Variants in OPCML observed in about 807,000 individuals in gnomAD.
OPCML encodes the protein opioid binding protein/cell adhesion molecule like.
OPCML carries 13 observed loss-of-function variants against 37.8 expected under a neutral mutation model. The observed-to-expected ratio is 0.34, with a 90% CI of 0.22 to 0.55. OPCML has a LOEUF of 0.55. Among genes scored for constraint, OPCML ranks in the 20% least tolerant of loss-of-function variants. OPCML has a pLI of 0.91. For missense variants in OPCML, 341 were observed against 435.6 expected (o/e 0.78, Z 1.93); for synonymous variants, 176 against 168.8 (o/e 1.04, Z -0.33).
intron 2 of OPCML, among the ~76,000 whole-genome samples, chr11:132,852,620 AAGAGAG>A (rs756901337): frequency 6.6e-6 from 1 of 152,110 alleles, no homozygotes. Flanking sequence ...AGAAAAAAAA[AAGAGAG>A]AGAGAAGAAA....
chr11:132,844,257 A>C (rs1469150820), intron 2 of OPCML, among the ~76,000 whole-genome samples: 1 of 152,218 alleles, frequency 6.6e-6, no homozygotes, highest in Non-Finnish European at 1.5e-5. Context: ...CGTGAGAAAG[A>C]CTAATACAGT....
chr11:132,778,783 A>G (rs989932709), intron 2 of OPCML, among the ~76,000 whole-genome samples: 1 of 152,140 alleles, frequency 6.6e-6, no homozygotes, highest in Non-Finnish European at 1.5e-5. Context: ...AGATATGTCC[A>G]AAGTCATAGG....
intron 2 of OPCML, among the ~76,000 whole-genome samples, chr11:132,696,359 T>C (rs1024961773): frequency 1.3e-5 from 2 of 152,276 alleles, no homozygotes; most frequent in South Asian, 2.1e-4. Context: ...CAAATATATA[T>C]GACAATCACA....
intron 1 of OPCML, among the ~76,000 whole-genome samples, chr11:133,169,489 T>A (rs1208071053): frequency 6.6e-6 from 1 of 152,242 alleles, no homozygotes. Context: ...TTTCTTTCTC[T>A]GGATACAAGT....
intron 1 of OPCML, among the ~76,000 whole-genome samples, chr11:133,168,379 A>T (rs988222943): frequency 2.6e-5 from 4 of 152,168 alleles, no homozygotes; most frequent in Admixed American, 6.5e-5. Flanking sequence ...GAAGGTGATT[A>T]TGCCAATATG....
chr11:133,243,156 C>A (rs760994443), intron 1 of OPCML, among the ~76,000 whole-genome samples: 1 of 152,098 alleles, frequency 6.6e-6, no homozygotes, highest in Non-Finnish European at 1.5e-5. Flanking sequence ...TCAGGGCAAA[C>A]AAGATATTCT....
chr11:132,876,722 G>GC (rs1461701286), intron 2 of OPCML, among the ~76,000 whole-genome samples: 1 of 152,158 alleles, frequency 6.6e-6, no homozygotes, highest in Non-Finnish European at 1.5e-5. Flanking sequence ...ATCTTGCCCT[G>GC]CCCAAAACGA....
intron 1 of OPCML, among the ~76,000 whole-genome samples, chr11:133,454,455 T>C (rs1946637197): frequency 6.6e-6 from 1 of 152,210 alleles, no homozygotes; most frequent in Non-Finnish European, 1.5e-5. Context: ...TCCGAAGTGC[T>C]TAGAATATTG....
intron 1 of OPCML, among the ~76,000 whole-genome samples, chr11:133,165,544 T>C (rs1950198218): frequency 6.6e-6 from 1 of 152,194 alleles, no homozygotes; most frequent in Non-Finnish European, 1.5e-5. Flanking sequence ...ACTTCCCAAG[T>C]TTTCAAATAT....
chr11:133,438,972 C>T (rs528388855), intron 1 of OPCML, among the ~76,000 whole-genome samples: 3 of 152,272 alleles, frequency 2.0e-5, no homozygotes, highest in South Asian at 2.1e-4. Flanking sequence ...ACACCCCATG[C>T]CTTGCCCTAC....
intron 1 of OPCML, among the ~76,000 whole-genome samples, chr11:133,339,023 C>T (rs894063001): frequency 6.6e-6 from 1 of 152,170 alleles, no homozygotes; most frequent in South Asian, 2.1e-4. Context: ...TTGTCTCTCA[C>T]CTGGTGAGAC....
At chr11:133,407,753 G>A (rs769781900) in intron 1 of OPCML, among the ~76,000 whole-genome samples, 1 of 152,156 alleles carries the variant, frequency 6.6e-6, no homozygotes, top group Non-Finnish European at 1.5e-5. Flanking sequence ...GGAGGAGAGT[G>A]GACTAGGTCA....
Position 132,963,373 on chromosome 11 carries a change from C to T in OPCML, c.62-20363G>A, listed in dbSNP as rs189752399. 2.8e-4 allele frequency among the ~76,000 whole-genome samples: 42 copies of T among 152,036 alleles called. No homozygotes were observed. The East Asian group carries it at 2.9e-3, about 11-fold the overall frequency. On this transcript the variant is annotated intron_variant, in intron 1 of 7. Transcript: ENST00000524381. ...TTGGGAGTTCGAGGTGGGCGGATCA[C>T]GAGGTCAGGAGTCTAAGACCAGCCT...
chr11:133,478,804 G>A (rs1440873672), intron 1 of OPCML, among the ~76,000 whole-genome samples: 2 of 151,336 alleles, frequency 1.3e-5, no homozygotes, highest in Non-Finnish European at 2.9e-5. Context: ...ATTAGAATTG[G>A]AATTCCTTGA....
At chr11:132,668,576 C>A (rs900236548) in intron 2 of OPCML, among the ~76,000 whole-genome samples, 1 of 152,158 alleles carries the variant, frequency 6.6e-6, no homozygotes, top group African/African-American at 2.4e-5. Flanking sequence ...TTAGTACGAG[C>A]ACTGTTGCCT....
intron 2 of OPCML, among the ~76,000 whole-genome samples, chr11:132,666,707 A>G (rs1942240861): frequency 6.6e-6 from 1 of 152,206 alleles, no homozygotes; most frequent in African/African-American, 2.4e-5. Flanking sequence ...CTTAGATAGA[A>G]GGCAGGGCAG....
At chr11:133,513,205 A>G (rs955495572) in intron 1 of OPCML, among the ~76,000 whole-genome samples, 1 of 152,150 alleles carries the variant, frequency 6.6e-6, no homozygotes, top group African/African-American at 2.4e-5. Flanking sequence ...CTTTGACTCT[A>G]TTTATAACAT....
intron 4 of OPCML, among the ~76,000 whole-genome samples, chr11:132,491,814 A>C (rs1432474736): frequency 5.9e-5 from 9 of 152,188 alleles, no homozygotes; most frequent in Admixed American, 6.5e-5. Context: ...AAATGAAGGA[A>C]TCATATGCTG....
chr11:132,955,910 C>A (rs1945968954), intron 1 of OPCML, among the ~76,000 whole-genome samples: 1 of 152,070 alleles, frequency 6.6e-6, no homozygotes, highest in Non-Finnish European at 1.5e-5. Context: ...AATGCTGAAC[C>A]TTTTCCTATT....
Sources: gnomAD v4.1 joint callset for allele counts (sites outside exome capture counted in the v4.1 genomes callset) on GRCh38, gnomAD v4.1.1 for gene constraint, MANE v1.5 for transcripts, NCBI Gene and HGNC (gene_info 2026-07-23, HGNC 2026-07-21) for gene names.